NPAS3: variants seen among roughly 807,000 people sequenced by gnomAD.
NPAS3 encodes neuronal PAS domain-containing protein 3.
In NPAS3, 14 loss-of-function variants were observed where a neutral mutation model predicts 73.1. The observed-to-expected ratio is 0.19, with a 90% CI of 0.13 to 0.30. The LOEUF is 0.30. Among genes scored for constraint, NPAS3 ranks in the 10% least tolerant of loss-of-function variants. NPAS3 has a pLI of 1.00. For synonymous variants in NPAS3, 620 were observed against 541.5 expected (o/e 1.14, Z -2.01); for missense variants, 1,096 against 1,250.0 (o/e 0.88, Z 1.86).
At chr14:33,342,053 C>G (rs1053270007) in intron 3 of NPAS3, among the ~76,000 whole-genome samples, 3 of 152,150 alleles carry the variant, frequency 2.0e-5, no homozygotes, top group African/African-American at 7.2e-5. Context: ...AATCCCCAAC[C>G]TTTTTCTCAC....
chr14:33,139,962 A>C (rs1253005424), intron 2 of NPAS3, among the ~76,000 whole-genome samples: 1 of 151,998 alleles, frequency 6.6e-6, no homozygotes, highest in African/African-American at 2.4e-5. Flanking sequence ...TTCAAGAGAA[A>C]GAGTTGCTGA....
chr14:33,789,497 G>T (rs546466875), intron 9 of NPAS3, among the ~76,000 whole-genome samples: 5 of 150,336 alleles, frequency 3.3e-5, no homozygotes, highest in Non-Finnish European at 5.9e-5. Context: ...TCCTCTCTAT[G>T]TCTTCAGGTT....
At chr14:33,433,657 T>C (rs2048867765) in intron 4 of NPAS3, among the ~76,000 whole-genome samples, 1 of 152,184 alleles carries the variant, frequency 6.6e-6, no homozygotes, top group South Asian at 2.1e-4. Context: ...GGACTTCATT[T>C]ATATGTAGCA....
intron 2 of NPAS3, among the ~76,000 whole-genome samples, chr14:33,162,147 C>A (rs1340234696): frequency 6.6e-6 from 1 of 152,176 alleles, no homozygotes; most frequent in South Asian, 2.1e-4. Flanking sequence ...CCTGCTTATA[C>A]GGTCATCTGT....
intron 4 of NPAS3, among the ~76,000 whole-genome samples, chr14:33,516,576 C>G (rs528198064): frequency 1.3e-5 from 2 of 152,204 alleles, no homozygotes; most frequent in African/African-American, 4.8e-5. Context: ...AGCTGCATGC[C>G]CTAGGGCAAG....
chr14:33,636,748 C>T (rs1042975988), intron 5 of NPAS3, among the ~76,000 whole-genome samples: 3 of 152,266 alleles, frequency 2.0e-5, no homozygotes, highest in African/African-American at 7.2e-5. Flanking sequence ...TCCAGAAACC[C>T]ACTGCCTGGC....
intron 6 of NPAS3, among the ~76,000 whole-genome samples, chr14:33,679,007 C>CCCTA (rs930690962): frequency 6.6e-6 from 1 of 152,134 alleles, no homozygotes; most frequent in Non-Finnish European, 1.5e-5. Flanking sequence ...TTTAAAGGTA[C>CCCTA]TCTATCAATC....
chr14:33,471,141 G>A (rs746885718), intron 4 of NPAS3, among the ~76,000 whole-genome samples: 19 of 152,130 alleles, frequency 1.2e-4, no homozygotes, highest in Admixed American at 6.5e-5. Flanking sequence ...ACAGTGCTCT[G>A]TGCATTCCAA....
At chr14:33,285,115 A>T (rs773710520) in intron 3 of NPAS3, among the ~76,000 whole-genome samples, 57 of 152,200 alleles carry the variant, frequency 3.7e-4, no homozygotes, top group Admixed American at 1.3e-4. Context: ...GAAAATGAGA[A>T]CATACTTTAA....
chr14:33,098,998 C>A (rs930673957), intron 2 of NPAS3, among the ~76,000 whole-genome samples: 2 of 152,188 alleles, frequency 1.3e-5, no homozygotes, highest in African/African-American at 4.8e-5. Flanking sequence ...ATCCTTGTAT[C>A]CGTGGAGCCG....
intron 1 of NPAS3, among the ~76,000 whole-genome samples, chr14:33,052,486 T>C (rs1264888414): frequency 6.6e-6 from 1 of 152,206 alleles, no homozygotes; most frequent in Non-Finnish European, 1.5e-5. Flanking sequence ...AAACAATACA[T>C]TAAGAAAAAA....
chr14:33,113,667 C>T (rs1405754718), intron 2 of NPAS3, among the ~76,000 whole-genome samples: 1 of 152,152 alleles, frequency 6.6e-6, no homozygotes, highest in African/African-American at 2.4e-5. Flanking sequence ...ATTTCCTTCT[C>T]CTGCCTGATT....
At chr14:33,671,658 C>A (rs145423012) in intron 5 of NPAS3, among the ~76,000 whole-genome samples, 1 of 152,312 alleles carries the variant, frequency 6.6e-6, no homozygotes, top group African/African-American at 2.4e-5. Flanking sequence ...CTGATGCATT[C>A]TCAGCTGTTT....
intron 2 of NPAS3, among the ~76,000 whole-genome samples, chr14:33,107,394 C>G (rs1167691499): frequency 6.6e-6 from 1 of 152,032 alleles, no homozygotes; most frequent in East Asian, 1.9e-4. Flanking sequence ...GTTTTTCAAC[C>G]CTTACCCTCT....
At chr14:33,370,786 G>A (rs1016622474) in intron 4 of NPAS3, among the ~76,000 whole-genome samples, 1 of 152,132 alleles carries the variant, frequency 6.6e-6, no homozygotes, top group Admixed American at 6.6e-5. Context: ...CATAATTAGA[G>A]GTGAAAGGCT....
intron 1 of NPAS3, among the ~76,000 whole-genome samples, chr14:32,984,494 T>C (rs755647577): frequency 3.3e-5 from 5 of 152,228 alleles, no homozygotes; most frequent in Admixed American, 6.5e-5. Flanking sequence ...TTTGGAGATG[T>C]GGCTAAGTTG....
intron 2 of NPAS3, among the ~76,000 whole-genome samples, chr14:33,154,147 C>A (rs2044562740): frequency 6.6e-6 from 1 of 152,120 alleles, no homozygotes; most frequent in East Asian, 1.9e-4. Flanking sequence ...ATTTGGATTA[C>A]CATTTTGGCT....
chr14:33,582,049 T>G (rs980569693), intron 5 of NPAS3: 1 of 152,178 alleles, frequency 6.6e-6, no homozygotes, highest in Non-Finnish European at 1.5e-5. Flanking sequence ...CACGGCAAAA[T>G]TTTTATATAT....
At chr14:33,488,334 A>G (rs1163073774) in intron 4 of NPAS3, among the ~76,000 whole-genome samples, 1 of 151,966 alleles carries the variant, frequency 6.6e-6, no homozygotes, top group Admixed American at 6.6e-5. Context: ...GGCCACCAAG[A>G]GTCTTAACGG....
Sources: gnomAD v4.1 joint callset for allele counts (sites outside exome capture counted in the v4.1 genomes callset) on GRCh38, gnomAD v4.1.1 for gene constraint, MANE v1.5 for transcripts, NCBI Gene and HGNC (gene_info 2026-07-23, HGNC 2026-07-21) for gene names.